Variants in TADA3 observed in about 807,000 individuals in gnomAD.
TADA3 encodes transcriptional adaptor 3.
TADA3 carries 25 observed loss-of-function variants against 43.2 expected under a neutral mutation model. That is an observed-to-expected ratio of 0.58 (90% CI 0.42 to 0.81). The LOEUF is 0.81. Among genes scored for constraint, TADA3 ranks in the 30% least tolerant of loss-of-function variants. The probability of loss-of-function intolerance (pLI) is 0.00; values close to 1 mark genes in which losing one functional copy is unlikely to be tolerated. For missense variants in TADA3, 441 were observed against 567.8 expected (o/e 0.78, Z 2.27); for synonymous variants, 235 against 225.5 (o/e 1.04, Z -0.38).
Position 9,780,068 on chromosome 3 carries a change from G to A in TADA3, c.*289C>T, listed in dbSNP as rs761780397. On this transcript the variant is annotated 3_prime_UTR_variant, in exon 9 of 9. Transcript: ENST00000301964. ...GGGGAGACAGGGGTAGGGGATTAGG[G>A]AGTGGGGGATGGTAAAGAGGGGAAG... 9.1e-6 allele frequency: 3 copies of A among 328,654 alleles called. No homozygotes were observed. Among genetic ancestry groups the A allele is most frequent in the Non-Finnish European group, 1.7e-5 (3 of 179,866 alleles). The allele number at this position is 328,654 out of a possible 1,614,324, so 20.4% of individuals were successfully genotyped here.
At chr3:9,780,574 CCAGGG>C (rs750018326) in intron 8 of TADA3, 25 bp from the exon 9 acceptor site, 1 of 1,588,394 alleles carries the variant, frequency 6.3e-7, no homozygotes, top group Non-Finnish European at 8.5e-7. Flanking sequence ...CAGCCAGGTG[CCAGGG>C]TCAGCCCACC....
chr3:9,785,943 T>A (rs1359914158), intron 6 of TADA3, among the ~76,000 whole-genome samples: 1 of 97,732 alleles, frequency 1.0e-5, no homozygotes, highest in Admixed American at 9.4e-5. Flanking sequence ...TTTTGTTTTG[T>A]TTTTTTTTTT....
chr3:9,789,106 G>A (rs1487627618), intron 4 of TADA3, among the ~76,000 whole-genome samples: 1 of 152,192 alleles, frequency 6.6e-6, no homozygotes, highest in Non-Finnish European at 1.5e-5. Context: ...AAAGTGCTAG[G>A]ATTGCAGGCA....
At position 9,787,032 on chromosome 3, in the gene TADA3, G is replaced by C. The variant is rs1188143064; in HGVS notation, c.784C>G (p.Gln262Glu). The change falls in exon 6 of 9, where the codon CAG becomes GAG. Residue 262 changes from glutamine to glutamate, a missense_variant. Transcript: ENST00000301964. ...TCCACCAGGGCCTGCAGGAGGCGCTGCGTCAGGGCACCAAAGGGGCATCCA... is the reference window on the plus strand; with the variant it reads ...TCCACCAGGGCCTGCAGGAGGCGCTCCGTCAGGGCACCAAAGGGGCATCCA... The part of the protein sequence containing the change: ...EDGCPFGALT[Q>E]RLLQALVEEN... The C allele has an allele frequency of 6.2e-7, 1 of 1,614,188 alleles. No individual in the cohort carries two copies. Among genetic ancestry groups the C allele is most frequent in the South Asian group, 1.1e-5 (1 of 91,084 alleles).
intron 8 of TADA3, chr3:9,783,316 ATTTT>A (rs1386747138): frequency 6.6e-6 from 1 of 151,552 alleles, no homozygotes; most frequent in South Asian, 2.1e-4. Flanking sequence ...AGAAGCGTAA[ATTTT>A]TTTTCTTTTT....
At position 9,780,411 on chromosome 3, in the gene TADA3, C is replaced by G; in HGVS notation, c.1245G>C (p.Gln415His). 6.2e-7 allele frequency: 1 copy of G among 1,613,726 alleles called. No homozygotes were observed. Among genetic ancestry groups the G allele is most frequent in the South Asian group, 1.1e-5 (1 of 91,078 alleles). Residue 415 changes from glutamine to histidine, a missense_variant, in exon 9 of 9, where the codon CAG becomes CAC. Gln to His is a conservative substitution (Grantham distance 24, BLOSUM62 0). Coordinates refer to ENST00000301964, the MANE Select transcript of TADA3 (RefSeq NM_006354.5). ...KRTPTKKEKD[Q>H]AWKTLKERES... ...CACGCTCCTTCAGAGTCTTCCAGGCCTGGTCCTTTTCTTTCTTGGTGGGAG... is the reference window on the plus strand; with the variant it reads ...CACGCTCCTTCAGAGTCTTCCAGGCGTGGTCCTTTTCTTTCTTGGTGGGAG...
At chr3:9,784,752 C>T (rs1293959174) in intron 7 of TADA3, among the ~76,000 whole-genome samples, 1 of 151,728 alleles carries the variant, frequency 6.6e-6, no homozygotes. Flanking sequence ...GTAATCACAG[C>T]TACTTGGTGG....
chr3:9,792,847 CAAG>C (rs2078775591), upstream of TADA3: 16 of 1,365,306 alleles, frequency 1.2e-5, no homozygotes, highest in South Asian at 1.7e-5. Flanking sequence ...GCAAAGGTGA[CAAG>C]AAGGCCGAAG....
Position 9,780,417 on chromosome 3 carries a change from C to T in TADA3, c.1239G>A (p.Lys413=). ...CCTTCAGAGTCTTCCAGGCCTGGTC[C>T]TTTTCTTTCTTGGTGGGAGTCCGCT... ...QKKRTPTKKE[K]DQAWKTLKER... is the part of the protein sequence containing the mutation. Residue 413 remains lysine, a synonymous_variant, in exon 9 of 9, where the codon AAG becomes AAA. Transcript: ENST00000301964. The T allele has an allele frequency of 6.2e-7, 1 of 1,613,646 alleles. No individual in the cohort carries two copies. The highest frequency in any genetic ancestry group is 8.5e-7 in the Non-Finnish European group (1 of 1,180,024).
intron 6 of TADA3, among the ~76,000 whole-genome samples, chr3:9,785,777 C>T (rs568765683): frequency 7.9e-5 from 12 of 152,326 alleles, no homozygotes; most frequent in Admixed American, 3.9e-4. Context: ...CTTTCCTCCA[C>T]GGCAGCTAGG....
At chr3:9,790,161 A>G (rs2078699598) in intron 2 of TADA3, among the ~76,000 whole-genome samples, 198 bp from the exon 3 acceptor site, 1 of 152,122 alleles carries the variant, frequency 6.6e-6, no homozygotes, top group African/African-American at 2.4e-5. Flanking sequence ...CTTTATTCAT[A>G]TACTTCTCAT....
At chr3:9,784,001 G>C in intron 8 of TADA3, 27 bp downstream of exon 8, 1 of 1,601,620 alleles carries the variant, frequency 6.2e-7, no homozygotes, top group Non-Finnish European at 8.5e-7. Flanking sequence ...GGCCACCCCC[G>C]GGACTGTGCA....
In TADA3 at chr3:9,784,136, C is replaced by T. The variant is rs749302221; in HGVS notation, c.998G>A (p.Arg333His). Residue 333 changes from arginine (R) to histidine (H), a missense_variant, in exon 8 of 9, where the codon CGC becomes CAC. Coordinates refer to ENST00000301964, the MANE Select transcript of TADA3 (RefSeq NM_006354.5). ...CTCATCCTCGGAGTCCTCTGCGGGG[C>T]GGTCCTCAGACTCCAAAAGGCCCTG... ...IAQGLLESEDRPAEDSEDEVL... is the reference protein window; with the variant it reads ...IAQGLLESEDHPAEDSEDEVL... 3.7e-6 allele frequency: 6 copies of T among 1,614,118 alleles called. No individual in the cohort carries two copies. Among genetic ancestry groups the T allele is most frequent in the Non-Finnish European group, 5.1e-6 (6 of 1,180,006 alleles).
intron 6 of TADA3, 22 bp from the exon 7 acceptor site, chr3:9,785,447 T>A: frequency 6.4e-7 from 1 of 1,555,496 alleles, no homozygotes; most frequent in African/African-American, 1.4e-5. Context: ...CAAAAATGAG[T>A]GGAAGGAAAA....
chr3:9,792,352 C>T lies in TADA3; in HGVS notation c.-164G>A, dbSNP rs894721125. The T allele has an allele frequency of 2.7e-6, 1 of 366,100 alleles. No individual in the cohort carries two copies. Among genetic ancestry groups the T allele is most frequent in the African/African-American group, 2.2e-5 (1 of 45,956 alleles). 22.7% of individuals were successfully genotyped at this position (366,100 alleles called of 1,614,324 possible). A position where few individuals can be genotyped will look rare whatever the true frequency, so the allele number is the denominator to read the frequency against. ...ATGTCCCGCCTTCAGAGTCCTCGTT[C>T]TCTAGGGACACCCTAGTGCGACCCC... On this transcript the variant is annotated 5_prime_UTR_variant, in exon 1 of 9. Coordinates refer to ENST00000301964, the MANE Select transcript of TADA3 (RefSeq NM_006354.5).
chr3:9,791,224 C>G (rs1443340233), intron 2 of TADA3, 36 bp downstream of exon 2: 1 of 1,586,712 alleles, frequency 6.3e-7, no homozygotes, highest in Non-Finnish European at 8.6e-7. Context: ...TTGTTGCAGT[C>G]CATCTCTGGT....
rs2078637690 is a variant in TADA3 at position 9,787,298 on chromosome 3, C to G, written c.607G>C (p.Glu203Gln). The change falls in exon 5 of 9, where the codon GAG becomes CAG. Residue 203 changes from glutamate (E) to glutamine (Q), a missense_variant. Transcript: ENST00000301964. ...TCCTTCTGCTCCTCCAGCAGGTCCT[C>G]CTGGGCCCAGCGCTGGGAGTAGTGC... ...GKHYSQRWAQ[E>Q]DLLEEQKDGA... 2 of 1,614,088 alleles carry G rather than the reference C, an allele frequency of 1.2e-6. No individual in the cohort carries two copies. Among genetic ancestry groups the G allele is most frequent in the Non-Finnish European group, 1.7e-6 (2 of 1,180,006 alleles).
intron 2 of TADA3, among the ~76,000 whole-genome samples, chr3:9,790,750 A>G (rs995451929): frequency 6.6e-6 from 1 of 152,230 alleles, no homozygotes; most frequent in Admixed American, 6.5e-5. Context: ...GGTAGGTCCT[A>G]TTATTCACCC....
upstream of TADA3, chr3:9,792,671 C>G (rs2078768379): frequency 8.1e-7 from 1 of 1,232,786 alleles, no homozygotes; most frequent in Non-Finnish European, 1.0e-6. Flanking sequence ...GATCTCCGCG[C>G]TGCAGTTAGC....
Sources: allele counts gnomAD v4.1 joint callset (sites outside exome capture counted in the v4.1 genomes callset), GRCh38; gene constraint gnomAD v4.1.1; transcripts MANE v1.5; gene names NCBI Gene and HGNC (gene_info 2026-07-23, HGNC 2026-07-21).